Variants in SPRYD7 observed in about 807,000 individuals in gnomAD.
SPRYD7 encodes SPRY domain-containing protein 7.
Under a neutral mutation model 23.8 loss-of-function variants are expected in SPRYD7, and 14 were observed. The observed-to-expected ratio is 0.59, with a 90% CI of 0.39 to 0.92. SPRYD7 has a LOEUF of 0.92. Among genes scored for constraint, SPRYD7 ranks in the 40% least tolerant of loss-of-function variants. SPRYD7 has a pLI of 0.00. For synonymous variants in SPRYD7, 75 were observed against 84.9 expected (o/e 0.88, Z 0.64); for missense variants, 194 against 241.7 (o/e 0.80, Z 1.31).
chr13:49,929,684 A>G (rs1955925156), intron 2 of SPRYD7, among the ~76,000 whole-genome samples: 1 of 151,130 alleles, frequency 6.6e-6, no homozygotes, highest in Non-Finnish European at 1.5e-5. Flanking sequence ...TTTAGTAGAA[A>G]CGGGGTTTCA....
chr13:49,925,426 A>T (rs1021584978), intron 3 of SPRYD7, among the ~76,000 whole-genome samples: 2 of 152,126 alleles, frequency 1.3e-5, no homozygotes, highest in African/African-American at 4.8e-5. Context: ...TGTTATTGTT[A>T]TTATTACATA....
chr13:49,919,659 G>A (rs746190285), intron 4 of SPRYD7, among the ~76,000 whole-genome samples: 122 of 150,680 alleles, frequency 8.1e-4, no homozygotes, highest in Admixed American at 1.9e-3. Context: ...CCCAGGAGGC[G>A]GAGGCAGCAG....
At chr13:49,920,062 T>C (rs1955800925) in intron 4 of SPRYD7, among the ~76,000 whole-genome samples, 1 of 152,002 alleles carries the variant, frequency 6.6e-6, no homozygotes, top group Admixed American at 6.6e-5. Flanking sequence ...GAATTTTCTA[T>C]AATAAAAATT....
intron 2 of SPRYD7, among the ~76,000 whole-genome samples, chr13:49,928,846 C>G (rs1955913985): frequency 6.6e-6 from 1 of 152,116 alleles, no homozygotes; most frequent in African/African-American, 2.4e-5. Flanking sequence ...TTCAAGCTCT[C>G]CCTTTGAAAA....
chr13:49,914,146 A>C lies in SPRYD7; in HGVS notation c.*917T>G, dbSNP rs986360481. 2 of 153,782 alleles carry C rather than the reference A, an allele frequency of 1.3e-5. No homozygotes were observed. Among genetic ancestry groups the C allele is most frequent in the Non-Finnish European group, 2.9e-5 (2 of 68,042 alleles). The allele number at this position is 153,782 out of a possible 1,614,324, so 9.5% of individuals were successfully genotyped here. A position where few individuals can be genotyped will look rare whatever the true frequency, so the allele number is the denominator to read the frequency against. On this transcript the variant is annotated 3_prime_UTR_variant, in exon 5 of 5. Transcript: ENST00000361840. ...CGTTAACTAAAGGACAGTGATTCTT[A>C]AGAACCAGGCAAAGACTCAGGGTCA... is the stretch of plus-strand genomic sequence containing the variant.
intron 1 of SPRYD7, among the ~76,000 whole-genome samples, chr13:49,935,208 T>C (rs1424132717): frequency 6.6e-6 from 1 of 152,246 alleles, no homozygotes; most frequent in African/African-American, 2.4e-5. Context: ...AGTGCCTTTT[T>C]ATTTCAATGC....
chr13:49,915,851 T>C (rs878960931), intron 4 of SPRYD7, among the ~76,000 whole-genome samples: 1 of 152,224 alleles, frequency 6.6e-6, no homozygotes, highest in African/African-American at 2.4e-5. Context: ...AATGCTACAC[T>C]TCTCAGCAAT....
At position 49,935,874 on chromosome 13, in the gene SPRYD7, G is replaced by C. The variant is rs901282025; in HGVS notation, c.106+256C>G. The stretch of plus-strand genomic sequence containing the variant: ...TGTGACATCTCCGGAGGAAGCCTCC[G>C]AGATTCCTGTGAAAATGGGAGGTCC... On this transcript the variant is annotated intron_variant, in intron 1 of 4. Transcript: ENST00000361840. The C allele has an allele frequency of 3.6e-5, 11 of 307,030 alleles. No homozygotes were observed. In the East Asian group the frequency reaches 5.6e-4, roughly 16 times the overall value. The allele number at this position is 307,030 out of a possible 1,614,324, so 19.0% of individuals were successfully genotyped here.
chr13:49,921,425 C>T (rs1485514434), intron 4 of SPRYD7, 53 bp downstream of exon 4: 3 of 1,155,196 alleles, frequency 2.6e-6, no homozygotes, highest in Non-Finnish European at 3.9e-6. Context: ...CTGATACACA[C>T]ACCAAACAAG....
chr13:49,934,555 CA>C (rs889803067), intron 1 of SPRYD7, among the ~76,000 whole-genome samples: 209 of 54,392 alleles, frequency 3.8e-3, no homozygotes, highest in Middle Eastern at 8.2e-3. Context: ...AACTCCGTCT[CA>C]AAAAAAAAAA....
chr13:49,924,101 G>A (rs1052957862), intron 3 of SPRYD7, among the ~76,000 whole-genome samples: 1 of 151,834 alleles, frequency 6.6e-6, no homozygotes, highest in African/African-American at 2.4e-5. Context: ...TCCTGCCTCA[G>A]CCTCCCGAGT....
At position 49,927,997 on chromosome 13, in the gene SPRYD7, A is replaced by C; in HGVS notation, c.312T>G (p.Asn104Lys). The C allele has an allele frequency of 6.2e-7, 1 of 1,614,216 alleles. No homozygotes were observed. The highest frequency in any genetic ancestry group is 8.5e-7 in the Non-Finnish European group (1 of 1,180,044). ...CATTGTTGTGGTAAAGGGCTCCATC[A>C]TTTCTCATCACCAGACTGTGCATAT... ...GRDMHSLVMRNDGALYHNNEE... is the reference protein window; with the variant it reads ...GRDMHSLVMRKDGALYHNNEE... The change falls in exon 3 of 5, where the codon AAT becomes AAG. Residue 104 changes from asparagine to lysine, a missense_variant. By Grantham distance (94) the Asn-to-Lys change is moderately conservative. Transcript: ENST00000361840.
At chr13:49,931,634 T>C (rs1045682146) in intron 1 of SPRYD7, among the ~76,000 whole-genome samples, 1 of 152,228 alleles carries the variant, frequency 6.6e-6, no homozygotes, top group Non-Finnish European at 1.5e-5. Flanking sequence ...TTATAAGTAA[T>C]ATTCATTTGT....
At chr13:49,925,998 A>G (rs138555443) in intron 3 of SPRYD7, among the ~76,000 whole-genome samples, 9 of 152,330 alleles carry the variant, frequency 5.9e-5, no homozygotes, top group Non-Finnish European at 1.2e-4. Flanking sequence ...CTTAAATTCT[A>G]AACACATGAG....
chr13:49,923,736 C>T (rs992381671), intron 3 of SPRYD7, among the ~76,000 whole-genome samples: 5 of 151,956 alleles, frequency 3.3e-5, no homozygotes, highest in African/African-American at 9.7e-5. Context: ...CAGTGTGATA[C>T]GCCCGCCTCA....
intron 1 of SPRYD7, among the ~76,000 whole-genome samples, chr13:49,934,103 C>A (rs866554883): frequency 3.3e-5 from 5 of 151,282 alleles, no homozygotes; most frequent in Middle Eastern, 6.9e-3. Flanking sequence ...AATAATCTTT[C>A]ACACCACCAA....
intron 3 of SPRYD7, among the ~76,000 whole-genome samples, chr13:49,922,367 G>A (rs1214233305): frequency 6.6e-6 from 1 of 150,642 alleles, no homozygotes; most frequent in Non-Finnish European, 1.5e-5. Flanking sequence ...AAAAGACTTA[G>A]CCCATGTTAT....
At chr13:49,932,379 T>G (rs1365643956) in intron 1 of SPRYD7, among the ~76,000 whole-genome samples, 3 of 152,252 alleles carry the variant, frequency 2.0e-5, no homozygotes, top group African/African-American at 7.2e-5. Flanking sequence ...ACATGCACTT[T>G]ATTCTCGTAG....
intron 1 of SPRYD7, among the ~76,000 whole-genome samples, chr13:49,933,165 G>A (rs1871456961): frequency 6.6e-6 from 1 of 152,194 alleles, no homozygotes; most frequent in Non-Finnish European, 1.5e-5. Context: ...CTCAATCTCT[G>A]CTTCAGGTGT....
Sources: gnomAD v4.1 joint callset for allele counts (sites outside exome capture counted in the v4.1 genomes callset) on GRCh38, gnomAD v4.1.1 for gene constraint, MANE v1.5 for transcripts, NCBI Gene and HGNC (gene_info 2026-07-23, HGNC 2026-07-21) for gene names.